The following PRKN variants were observed in gnomAD, a reference collection of about 807,000 sequenced individuals.
PRKN encodes the protein E3 ubiquitin-protein ligase parkin.
A neutral mutation model predicts 59.5 loss-of-function variants in PRKN; 56 were observed. That is an observed-to-expected ratio of 0.94 (90% CI 0.76 to 1.18). The LOEUF (loss-of-function observed/expected upper bound fraction) is 1.18, where lower values mean the gene tolerates loss of function less well. PRKN is among the 50% of genes most tolerant of loss of function. The pLI is 0.00. For missense variants in PRKN, 657 were observed against 596.4 expected, an observed-to-expected ratio of 1.10 and a Z score of -1.06; for synonymous variants, 250 against 222.1, an observed-to-expected ratio of 1.13 and a Z score of -1.12.
intron 5 of PRKN, among the ~76,000 whole-genome samples, chr6:162,024,024 T>C (rs1783317551): frequency 6.6e-6 from 1 of 152,118 alleles, no homozygotes; most frequent in Admixed American, 6.6e-5. Context: ...TTTCTAGTTC[T>C]GTGAAAAATG....
At chr6:161,805,300 G>A (rs965184168) in intron 6 of PRKN, among the ~76,000 whole-genome samples, 5 of 151,928 alleles carry the variant, frequency 3.3e-5, no homozygotes, top group African/African-American at 1.2e-4. Context: ...TTTCCATATC[G>A]TGTCACAGAA....
At chr6:161,943,940 GCA>G (rs1779670435) in intron 6 of PRKN, among the ~76,000 whole-genome samples, 12 of 50,252 alleles carry the variant, frequency 2.4e-4, no homozygotes, top group African/African-American at 1.0e-3. Context: ...GCCTGAGGAA[GCA>G]GCCTGAGGGA....
At chr6:161,752,564 G>A (rs578233923) in intron 7 of PRKN, among the ~76,000 whole-genome samples, 38 of 151,362 alleles carry the variant, frequency 2.5e-4, no homozygotes, top group Non-Finnish European at 4.6e-4. Context: ...GCATTGGTGC[G>A]CACCTGTAGT....
rs989699182 is a variant in PRKN at position 161,356,860 on chromosome 6, G to C, written c.1285+3228C>G. 2.6e-5 allele frequency among the ~76,000 whole-genome samples: 4 copies of C among 152,082 alleles called. No individual in the cohort carries two copies. Among genetic ancestry groups the C allele is most frequent in the African/African-American group, 9.7e-5 (4 of 41,408 alleles). On this transcript the variant is annotated intron_variant, in intron 11 of 11. Coordinates refer to ENST00000366898, the MANE Select transcript of PRKN (RefSeq NM_004562.3). The surrounding 1 kb of genome is among the most constrained non-coding windows in gnomAD (Gnocchi z 7.8). The stretch of plus-strand genomic sequence containing the variant: ...GGAGTCGGACCGAGGGGCGAGATGA[G>C]GGTGGGGTGTAGATTTGGGAGCCAT...
chr6:162,194,830 T>C (rs1311695558), intron 4 of PRKN, among the ~76,000 whole-genome samples: 1 of 152,148 alleles, frequency 6.6e-6, no homozygotes, highest in Non-Finnish European at 1.5e-5. Context: ...CTCTATCGAC[T>C]GGCTCTTTGC....
At chr6:161,366,982 CTTTTTTTTTT>C (rs57164972) in intron 10 of PRKN, among the ~76,000 whole-genome samples, 66 of 91,970 alleles carry the variant, frequency 7.2e-4, no homozygotes, top group African/African-American at 2.2e-3. Context: ...TTTTTGTTTC[CTTTTTTTTTT>C]TTTTTTTTTT....
At chr6:161,918,014 T>C (rs1447919779) in intron 6 of PRKN, among the ~76,000 whole-genome samples, 2 of 152,228 alleles carry the variant, frequency 1.3e-5, no homozygotes, top group African/African-American at 4.8e-5. Context: ...CATACATATT[T>C]ATAAGTGTGG....
chr6:161,969,205 T>A (rs1350637943), intron 6 of PRKN, among the ~76,000 whole-genome samples: 2 of 152,016 alleles, frequency 1.3e-5, no homozygotes, highest in African/African-American at 4.8e-5. Context: ...TATGACCGTA[T>A]TCTTAGAGCC....
intron 5 of PRKN, among the ~76,000 whole-genome samples, chr6:162,038,793 T>C (rs1356763807): frequency 6.6e-6 from 1 of 152,154 alleles, no homozygotes; most frequent in Non-Finnish European, 1.5e-5. Flanking sequence ...GATATATAAC[T>C]TCATTTCAAT....
chr6:162,011,146 A>AGTATATT (rs1554260683), intron 5 of PRKN, among the ~76,000 whole-genome samples: 27 of 896 alleles, frequency 0.03, 11 homozygotes, highest in African/African-American at 0.25. Context: ...TATAATATAT[A>AGTATATT]TTATAATATA....
At chr6:162,366,660 C>G (rs1002110001) in intron 2 of PRKN, among the ~76,000 whole-genome samples, 2 of 152,052 alleles carry the variant, frequency 1.3e-5, no homozygotes, top group African/African-American at 4.8e-5. Flanking sequence ...AATCCCAGCA[C>G]TTTGGGAGGC....
chr6:162,378,856 C>T (rs1786272315), intron 2 of PRKN, among the ~76,000 whole-genome samples: 1 of 152,070 alleles, frequency 6.6e-6, no homozygotes, highest in African/African-American at 2.4e-5. Flanking sequence ...TCAAAAATGC[C>T]CCCAAATAAG....
At chr6:162,100,409 C>A (rs193075305) in intron 4 of PRKN, among the ~76,000 whole-genome samples, 1 of 151,972 alleles carries the variant, frequency 6.6e-6, no homozygotes, top group African/African-American at 2.4e-5. Flanking sequence ...CTTTTCTCCA[C>A]GTCCTTGCCA....
chr6:162,230,354 G>A (rs1778370051), intron 3 of PRKN, among the ~76,000 whole-genome samples: 1 of 152,212 alleles, frequency 6.6e-6, no homozygotes, highest in Admixed American at 6.5e-5. Context: ...TACCAAGCCA[G>A]CTCCTTGGCT....
intron 4 of PRKN, among the ~76,000 whole-genome samples, chr6:162,098,431 G>C (rs1779834165): frequency 6.6e-6 from 1 of 152,178 alleles, no homozygotes; most frequent in Non-Finnish European, 1.5e-5. Flanking sequence ...CTGATGGTAT[G>C]TTTCGCATCC....
chr6:162,379,303 T>C (rs4709602), intron 2 of PRKN, among the ~76,000 whole-genome samples: 10,389 of 152,168 alleles, frequency 0.068, 897 homozygotes, highest in East Asian at 0.44. Context: ...ACATGGTTCC[T>C]ATGGGCTGGG....
chr6:162,424,688 T>C (rs1425268105), intron 2 of PRKN, among the ~76,000 whole-genome samples: 6 of 148,680 alleles, frequency 4.0e-5, no homozygotes, highest in Non-Finnish European at 1.5e-5. Flanking sequence ...TGAGCCGAGA[T>C]CACGCCACTG....
chr6:161,786,314 G>C (rs1003408080), intron 6 of PRKN, among the ~76,000 whole-genome samples: 5 of 152,040 alleles, frequency 3.3e-5, no homozygotes, highest in African/African-American at 7.2e-5. Context: ...CATAGACTGT[G>C]ATCTCCTGGA....
chr6:161,891,539 T>C (rs974094563), intron 6 of PRKN, among the ~76,000 whole-genome samples: 3 of 152,170 alleles, frequency 2.0e-5, no homozygotes, highest in African/African-American at 7.2e-5. Flanking sequence ...GCTTGAATAA[T>C]TCTTCAGAAA....
Sources: allele counts gnomAD v4.1 joint callset (sites outside exome capture counted in the v4.1 genomes callset), GRCh38; gene constraint gnomAD v4.1.1; non-coding constraint Gnocchi (gnomAD v3.1); transcripts MANE v1.5; gene names NCBI Gene and HGNC (gene_info 2026-07-23, HGNC 2026-07-21).